Variants in DOK6 observed in about 807,000 individuals in gnomAD.
DOK6 encodes downstream of tyrosine kinase 6.
A neutral mutation model predicts 44.0 loss-of-function variants in DOK6; 22 were observed. The ratio of observed to expected loss-of-function variants is 0.50; its 90% CI spans 0.36 to 0.71. DOK6 has a LOEUF of 0.71. Ranked by LOEUF, DOK6 falls within the 30% of genes least tolerant of loss-of-function variation. The pLI, the probability that DOK6 is intolerant of heterozygous loss-of-function variation, is 0.00. For synonymous variants in DOK6, 166 were observed against 145.5 expected, an observed-to-expected ratio of 1.14 and a Z score of -1.01; for missense variants, 340 against 416.4, an observed-to-expected ratio of 0.82 and a Z score of 1.60.
intron 3 of DOK6, among the ~76,000 whole-genome samples, chr18:69,634,095 T>C (rs4556893): frequency 0.34 from 51,374 of 151,772 alleles, 9,037 homozygotes; most frequent in Middle Eastern, 0.54. Flanking sequence ...AATGGTTTCA[T>C]ATCCTCTCCT....
intron 2 of DOK6, among the ~76,000 whole-genome samples, chr18:69,597,080 A>T (rs887129142): frequency 6.6e-6 from 1 of 152,100 alleles, no homozygotes. Flanking sequence ...ATTAATTAAA[A>T]TTATAAATAT....
At chr18:69,418,319 C>T (rs2041195976) in intron 1 of DOK6, among the ~76,000 whole-genome samples, 1 of 152,036 alleles carries the variant, frequency 6.6e-6, no homozygotes, top group Non-Finnish European at 1.5e-5. Context: ...GATTATTTCA[C>T]TTCATTTTAT....
chr18:69,739,993 A>G (rs1978746494), intron 6 of DOK6, among the ~76,000 whole-genome samples: 1 of 151,856 alleles, frequency 6.6e-6, no homozygotes, highest in Non-Finnish European at 1.5e-5. Flanking sequence ...TAAAAGAAAG[A>G]GAACAGAAGT....
In DOK6 at chr18:69,847,761, G is replaced by GT. The variant is rs1381729189; in HGVS notation, c.*6379dup. ...AGTTCAAGAAATAATGCTTACTCTT[G>GT]TAAAAAAAAAAAATATATATATATG... On this transcript the variant is annotated 3_prime_UTR_variant, in exon 8 of 8. Coordinates refer to ENST00000382713, the MANE Select transcript of DOK6 (RefSeq NM_152721.6). 1.2e-4 allele frequency: 6 copies of GT among 50,364 alleles called. No homozygotes were observed. The highest frequency in any genetic ancestry group is 3.1e-4 in the African/African-American group (5 of 16,092). The allele number at this position is 50,364 out of a possible 1,614,324, so 3.1% of individuals were successfully genotyped here. A position where few individuals can be genotyped will look rare whatever the true frequency, so the allele number is the denominator to read the frequency against.
chr18:69,718,339 A>G (rs895898431), intron 5 of DOK6, among the ~76,000 whole-genome samples: 1 of 152,170 alleles, frequency 6.6e-6, no homozygotes, highest in Non-Finnish European at 1.5e-5. Context: ...ACCCCCCAAA[A>G]GAAGCTGAGA....
At chr18:69,523,974 T>C (rs1981759797) in intron 1 of DOK6, among the ~76,000 whole-genome samples, 1 of 152,062 alleles carries the variant, frequency 6.6e-6, no homozygotes, top group African/African-American at 2.4e-5. Context: ...TTTTATAGTC[T>C]CAAATTTTCT....
At chr18:69,616,599 G>A (rs1206096896) in intron 3 of DOK6, among the ~76,000 whole-genome samples, 4 of 151,968 alleles carry the variant, frequency 2.6e-5, no homozygotes, top group Admixed American at 6.6e-5. Context: ...TTTTAAAAAC[G>A]TTTTATAAGC....
chr18:69,445,969 T>C (rs1040034920), intron 1 of DOK6, among the ~76,000 whole-genome samples: 1 of 152,174 alleles, frequency 6.6e-6, no homozygotes, highest in Admixed American at 6.6e-5. Flanking sequence ...TTCCTGATTT[T>C]AGTAATTTGA....
chr18:69,779,482 A>T (rs140642634), intron 7 of DOK6, among the ~76,000 whole-genome samples: 128 of 151,818 alleles, frequency 8.4e-4, no homozygotes, highest in Admixed American at 9.8e-4. Context: ...ACACACAAAC[A>T]GTATGTTTCT....
chr18:69,446,879 C>A (rs1568260724), intron 1 of DOK6, among the ~76,000 whole-genome samples: 2 of 152,120 alleles, frequency 1.3e-5, no homozygotes, highest in Non-Finnish European at 2.9e-5. Context: ...CTGTTCATAT[C>A]CTTTGCCTAC....
At chr18:69,656,662 CTT>C (rs1985376391) in intron 3 of DOK6, among the ~76,000 whole-genome samples, 1 of 151,970 alleles carries the variant, frequency 6.6e-6, no homozygotes, top group African/African-American at 2.4e-5. Context: ...AAACAACAGA[CTT>C]AAAACAAAAT....
chr18:69,416,605 C>A (rs1452876171), intron 1 of DOK6, among the ~76,000 whole-genome samples: 3 of 152,104 alleles, frequency 2.0e-5, no homozygotes, highest in African/African-American at 4.8e-5. Flanking sequence ...CAGTATGGCC[C>A]ATTTAGAAAT....
intron 3 of DOK6, among the ~76,000 whole-genome samples, chr18:69,674,428 T>C (rs79765625): frequency 0.017 from 2,556 of 152,230 alleles, 86 homozygotes; most frequent in African/African-American, 0.059. Context: ...CTCAGAGCTA[T>C]CTCCAGCTGT....
chr18:69,742,339 A>G (rs1599299552), intron 6 of DOK6, among the ~76,000 whole-genome samples: 1 of 151,246 alleles, frequency 6.6e-6, no homozygotes, highest in Non-Finnish European at 1.5e-5. Context: ...GCTTGAACCC[A>G]GGAGGCAGAG....
intron 3 of DOK6, among the ~76,000 whole-genome samples, chr18:69,620,793 T>G (rs1241578348): frequency 6.6e-6 from 1 of 152,230 alleles, no homozygotes; most frequent in Middle Eastern, 3.2e-3. Flanking sequence ...TATTCATAAT[T>G]GAGGCACGCC....
intron 7 of DOK6, among the ~76,000 whole-genome samples, chr18:69,805,577 G>A (rs1037603451): frequency 3.9e-5 from 6 of 152,082 alleles, no homozygotes; most frequent in Non-Finnish European, 8.8e-5. Flanking sequence ...ACAGTTTGAT[G>A]TTCTTCACTT....
chr18:69,449,930 C>A (rs1220102662), intron 1 of DOK6, among the ~76,000 whole-genome samples: 6 of 147,574 alleles, frequency 4.1e-5, no homozygotes, highest in African/African-American at 1.3e-4. Context: ...CATCAAAGAC[C>A]AAAAGTAGGT....
At chr18:69,743,729 G>C (rs1978880452) in intron 6 of DOK6, among the ~76,000 whole-genome samples, 2 of 151,392 alleles carry the variant, frequency 1.3e-5, no homozygotes, top group African/African-American at 4.9e-5. Flanking sequence ...GTGTGGGGGG[G>C]ATTGTCAGTA....
At chr18:69,745,358 A>G (rs1486793530) in intron 6 of DOK6, among the ~76,000 whole-genome samples, 1 of 152,366 alleles carries the variant, frequency 6.6e-6, no homozygotes, top group Middle Eastern at 3.4e-3. Flanking sequence ...AATGAAAATA[A>G]CAGATTTCAA....
Sources: allele counts gnomAD v4.1 joint callset (sites outside exome capture counted in the v4.1 genomes callset), GRCh38; gene constraint gnomAD v4.1.1; transcripts MANE v1.5; gene names NCBI Gene and HGNC (gene_info 2026-07-23, HGNC 2026-07-21).